Variants in PARD3 observed in about 807,000 individuals in gnomAD.
PARD3 encodes partitioning defective 3 homolog.
Under a neutral mutation model 155.4 loss-of-function variants are expected in PARD3, and 75 were observed. The ratio of observed to expected loss-of-function variants is 0.48; its 90% CI spans 0.40 to 0.58. The LOEUF is 0.58. Ranked by LOEUF, PARD3 falls within the 20% of genes least tolerant of loss-of-function variation. The pLI is 0.00. For synonymous variants in PARD3, 576 were observed against 610.5 expected (o/e 0.94, Z 0.83); for missense variants, 1,642 against 1,721.7 (o/e 0.95, Z 0.82).
intron 22 of PARD3, among the ~76,000 whole-genome samples, chr10:34,163,222 A>C (rs146519024): frequency 2.0e-5 from 3 of 152,018 alleles, no homozygotes; most frequent in African/African-American, 7.3e-5. Context: ...CTTGGGGAGG[A>C]GGCTTGTGTT....
Position 34,576,957 on chromosome 10 carries a change from G to A in PARD3, c.223-59798C>T, listed in dbSNP as rs185012529. On this transcript the variant is annotated intron_variant, in intron 2 of 24. Coordinates refer to ENST00000374788, the MANE Select transcript of PARD3 (RefSeq NM_001184785.2). ...AACTCAATTTTCTCCCCTGCGTGTGGGGGTGAACATACAGCACAGATTGAT... is the reference window on the plus strand; with the variant it reads ...AACTCAATTTTCTCCCCTGCGTGTGAGGGTGAACATACAGCACAGATTGAT... 5.9e-3 allele frequency among the ~76,000 whole-genome samples: 899 copies of A among 152,270 alleles called. 4 individuals are homozygous for A. Among genetic ancestry groups the A allele is most frequent in the Admixed American group, 9.3e-3 (142 of 15,300 alleles).
At chr10:34,592,076 T>C (rs1383782507) in intron 2 of PARD3, among the ~76,000 whole-genome samples, 2 of 151,874 alleles carry the variant, frequency 1.3e-5, no homozygotes, top group African/African-American at 2.4e-5. Context: ...CCTTCAGTCC[T>C]GACACAGACC....
intron 22 of PARD3, among the ~76,000 whole-genome samples, chr10:34,172,664 C>G (rs1228681111): frequency 6.7e-6 from 1 of 150,164 alleles, no homozygotes; most frequent in Non-Finnish European, 1.5e-5. Context: ...ACTCACTGCA[C>G]AAGTCAGTTT....
chr10:34,429,546 C>CA (rs2075793628), intron 5 of PARD3, among the ~76,000 whole-genome samples: 1 of 146,446 alleles, frequency 6.8e-6, no homozygotes, highest in African/African-American at 2.6e-5. Context: ...CAGCCCCACT[C>CA]TAACTCAGTT....
intron 20 of PARD3, among the ~76,000 whole-genome samples, chr10:34,304,870 C>A (rs1410151217): frequency 6.6e-6 from 1 of 152,172 alleles, no homozygotes; most frequent in Non-Finnish European, 1.5e-5. Context: ...TGAGAAATAG[C>A]TTATTGTTTG....
Position 34,450,298 on chromosome 10 carries a change from T to G in PARD3, c.714+19A>C. ...GGATGTTACAGCAATGACGCACATA[T>G]AAGGATTTGTCATGTTACCTGTTCT... On this transcript the variant is annotated intron_variant, in intron 5 of 24. Coordinates refer to ENST00000374788, the MANE Select transcript of PARD3 (RefSeq NM_001184785.2). 1.2e-6 allele frequency: 2 copies of G among 1,609,488 alleles called. No individual in the cohort carries two copies. Among genetic ancestry groups the G allele is most frequent in the South Asian group, 1.1e-5 (1 of 90,018 alleles).
chr10:34,345,743 T>A, intron 15 of PARD3: 1 of 985,410 alleles, frequency 1.0e-6, no homozygotes, highest in Non-Finnish European at 1.2e-6. Context: ...CCCATACCTC[T>A]CCTAATGCCT....
At chr10:34,551,574 C>A (rs1427978243) in intron 2 of PARD3, among the ~76,000 whole-genome samples, 10 of 152,174 alleles carry the variant, frequency 6.6e-5, no homozygotes, top group Admixed American at 5.9e-4. Flanking sequence ...CAGAAAGCCT[C>A]CTGCACCCCG....
At chr10:34,154,722 C>T (rs888558735) in intron 22 of PARD3, among the ~76,000 whole-genome samples, 2 of 152,136 alleles carry the variant, frequency 1.3e-5, no homozygotes, top group East Asian at 1.9e-4. Context: ...TATTTCTTTG[C>T]ATCCATCCCT....
intron 22 of PARD3, among the ~76,000 whole-genome samples, chr10:34,251,399 C>G (rs1205470056): frequency 5.9e-5 from 9 of 152,174 alleles, no homozygotes; most frequent in African/African-American, 1.9e-4. Context: ...TGGGACTGCT[C>G]TGTGTGCCAG....
At chr10:34,807,700 A>G (rs901123823) in intron 1 of PARD3, among the ~76,000 whole-genome samples, 1 of 152,170 alleles carries the variant, frequency 6.6e-6, no homozygotes, top group Non-Finnish European at 1.5e-5. Flanking sequence ...GTATATATAT[A>G]AAGAGTATAT....
chr10:34,780,792 G>T (rs952319988), intron 1 of PARD3, among the ~76,000 whole-genome samples: 1 of 152,112 alleles, frequency 6.6e-6, no homozygotes, highest in Admixed American at 6.5e-5. Context: ...GATAAAACAA[G>T]ACTTCTAAAC....
intron 1 of PARD3, among the ~76,000 whole-genome samples, chr10:34,775,141 T>C (rs1839378106): frequency 1.3e-5 from 2 of 152,212 alleles, no homozygotes; most frequent in Admixed American, 1.3e-4. Context: ...AACCCAATAT[T>C]TCAAGCTCAT....
chr10:34,195,834 G>A (rs903526562), intron 22 of PARD3, among the ~76,000 whole-genome samples: 4 of 152,070 alleles, frequency 2.6e-5, no homozygotes, highest in Non-Finnish European at 4.4e-5. Flanking sequence ...CTTGCCACTC[G>A]CTAGCTATGA....
intron 22 of PARD3, among the ~76,000 whole-genome samples, chr10:34,217,087 T>C (rs1207194318): frequency 6.6e-6 from 1 of 152,152 alleles, no homozygotes; most frequent in East Asian, 1.9e-4. Flanking sequence ...AGTGTGATAG[T>C]GTGGGTGATA....
chr10:34,656,324 T>C (rs2093165308), intron 2 of PARD3, among the ~76,000 whole-genome samples: 1 of 152,198 alleles, frequency 6.6e-6, no homozygotes, highest in Non-Finnish European at 1.5e-5. Flanking sequence ...ATGATAAATA[T>C]ATTGTCAGTA....
intron 5 of PARD3, among the ~76,000 whole-genome samples, chr10:34,410,173 T>C (rs919329499): frequency 3.3e-5 from 5 of 152,278 alleles, no homozygotes; most frequent in African/African-American, 1.2e-4. Flanking sequence ...AAAATAAGTG[T>C]CCTTCATCTT....
chr10:34,651,674 A>C (rs1210331830), intron 2 of PARD3, among the ~76,000 whole-genome samples: 1 of 152,230 alleles, frequency 6.6e-6, no homozygotes, highest in Admixed American at 6.5e-5. Flanking sequence ...TGCTGGTAAG[A>C]GACCCGAGCT....
chr10:34,641,435 G>A (rs913731613), intron 2 of PARD3, among the ~76,000 whole-genome samples: 5 of 152,204 alleles, frequency 3.3e-5, no homozygotes, highest in African/African-American at 1.2e-4. Flanking sequence ...CGTCTGCAAT[G>A]GCGGAACCTG....
Sources: gnomAD v4.1 joint callset for allele counts (sites outside exome capture counted in the v4.1 genomes callset) on GRCh38, gnomAD v4.1.1 for gene constraint, MANE v1.5 for transcripts, NCBI Gene and HGNC (gene_info 2026-07-23, HGNC 2026-07-21) for gene names.